The following RAD51B variants were observed in gnomAD, a reference collection of about 807,000 sequenced individuals.
RAD51B encodes the protein RAD51 paralog B.
RAD51B carries 38 observed loss-of-function variants against 42.2 expected under a neutral mutation model. The ratio of observed to expected loss-of-function variants is 0.90; its 90% CI spans 0.70 to 1.18. RAD51B has a LOEUF of 1.18. Among genes scored for constraint, RAD51B ranks in the 50% most tolerant of loss-of-function variants. The pLI is 0.00. For missense variants in RAD51B, 373 were observed against 400.7 expected (o/e 0.93, Z 0.59); for synonymous variants, 154 against 145.2 (o/e 1.06, Z -0.43).
At chr14:68,423,346 G>A (rs745533885) in intron 9 of RAD51B, among the ~76,000 whole-genome samples, 6 of 152,194 alleles carry the variant, frequency 3.9e-5, no homozygotes, top group Non-Finnish European at 7.3e-5. Context: ...TGGCTCTCTG[G>A]TTGCTATGCT....
intron 9 of RAD51B, among the ~76,000 whole-genome samples, chr14:68,415,645 G>T (rs1391220419): frequency 7.2e-5 from 11 of 152,214 alleles, no homozygotes; most frequent in Non-Finnish European, 1.0e-4. Context: ...ATGAGGCAGA[G>T]CATGAGGCAG....
At chr14:67,850,329 A>G (rs2041762928) in intron 4 of RAD51B, among the ~76,000 whole-genome samples, 1 of 152,114 alleles carries the variant, frequency 6.6e-6, no homozygotes, top group Non-Finnish European at 1.5e-5. Flanking sequence ...TCATGCAGGT[A>G]GGGTTTTCTT....
intron 8 of RAD51B, among the ~76,000 whole-genome samples, chr14:68,380,440 T>C (rs1594754815): frequency 6.6e-6 from 1 of 152,140 alleles, no homozygotes; most frequent in Admixed American, 6.6e-5. Context: ...AGGCCCCAGA[T>C]GGTTAGAGTT....
At chr14:67,959,289 C>G (rs980057373) in intron 7 of RAD51B, among the ~76,000 whole-genome samples, 2 of 151,952 alleles carry the variant, frequency 1.3e-5, no homozygotes, top group Non-Finnish European at 2.9e-5. Context: ...CTCTGTTGCC[C>G]AGGCTGGAGT....
At chr14:68,227,466 C>CT (rs2080061793) in intron 7 of RAD51B, among the ~76,000 whole-genome samples, 1 of 152,174 alleles carries the variant, frequency 6.6e-6, no homozygotes, top group Non-Finnish European at 1.5e-5. Context: ...TGATATCCAC[C>CT]TCAGAGGGTT....
At chr14:68,311,530 A>G (rs913232982) in intron 8 of RAD51B, among the ~76,000 whole-genome samples, 1 of 152,160 alleles carries the variant, frequency 6.6e-6, no homozygotes, top group Non-Finnish European at 1.5e-5. Flanking sequence ...AAACAGCACT[A>G]GTGCTGTTAA....
chr14:68,138,146 T>C (rs1301281665), intron 7 of RAD51B, among the ~76,000 whole-genome samples: 1 of 35,896 alleles, frequency 2.8e-5, no homozygotes, highest in African/African-American at 4.6e-5. Flanking sequence ...CATTTAGTAT[T>C]TTTTTTTTCC....
At chr14:68,110,554 C>T (rs1174982480) in intron 7 of RAD51B, among the ~76,000 whole-genome samples, 2 of 152,008 alleles carry the variant, frequency 1.3e-5, no homozygotes, top group Admixed American at 1.3e-4. Context: ...GTTTCATAAG[C>T]AGAAGTGGGA....
At chr14:68,538,773 AGCTG>A (rs1887789987) in intron 10 of RAD51B, among the ~76,000 whole-genome samples, 1 of 152,130 alleles carries the variant, frequency 6.6e-6, no homozygotes, top group South Asian at 2.1e-4. Context: ...GGCGAAAAAG[AGCTG>A]GGGCTGAGCA....
intron 10 of RAD51B, among the ~76,000 whole-genome samples, chr14:68,581,172 T>A (rs994831620): frequency 6.6e-6 from 1 of 152,038 alleles, no homozygotes; most frequent in Non-Finnish European, 1.5e-5. Context: ...GTCCCCTAGT[T>A]GTGATTTTTC....
At chr14:68,042,612 C>G (rs910225715) in intron 7 of RAD51B, among the ~76,000 whole-genome samples, 15 of 152,082 alleles carry the variant, frequency 9.9e-5, no homozygotes, top group Admixed American at 6.6e-4. Flanking sequence ...CCCTTTCTCC[C>G]TCCCCTTTCC....
At chr14:68,503,377 C>T (rs1885053518) in intron 10 of RAD51B, among the ~76,000 whole-genome samples, 1 of 69,234 alleles carries the variant, frequency 1.4e-5, no homozygotes, top group South Asian at 6.6e-4. Flanking sequence ...TAGGAGTAGA[C>T]AGAGGGCCTC....
intron 7 of RAD51B, among the ~76,000 whole-genome samples, chr14:68,205,472 C>G (rs2079565789): frequency 6.6e-6 from 1 of 152,078 alleles, no homozygotes; most frequent in Admixed American, 6.5e-5. Flanking sequence ...AGAGAAGACT[C>G]TTGAGGACAA....
chr14:68,221,788 A>G (rs770484486), intron 7 of RAD51B, among the ~76,000 whole-genome samples: 1 of 152,238 alleles, frequency 6.6e-6, no homozygotes, highest in Non-Finnish European at 1.5e-5. Context: ...AAATCTATAC[A>G]TGTGACAAAG....
At chr14:68,454,528 C>G (rs994452385) in intron 9 of RAD51B, among the ~76,000 whole-genome samples, 16 of 152,178 alleles carry the variant, frequency 1.1e-4, no homozygotes, top group Admixed American at 9.8e-4. Flanking sequence ...ACCTTGCACA[C>G]CAACAATCTT....
downstream of RAD51B, among the ~76,000 whole-genome samples, chr14:68,481,861 A>C (rs1017581857): frequency 3.0e-4 from 45 of 152,348 alleles, no homozygotes; most frequent in East Asian, 1.2e-3. Context: ...TCTAAATAAA[A>C]GAATCACCAG....
intron 7 of RAD51B, among the ~76,000 whole-genome samples, chr14:68,158,844 G>A (rs1198525004): frequency 6.6e-6 from 1 of 152,116 alleles, no homozygotes; most frequent in Non-Finnish European, 1.5e-5. Context: ...GCCACATAGA[G>A]GTGCTGGGAG....
At chr14:67,839,881 T>G (rs2041367790) in intron 4 of RAD51B, among the ~76,000 whole-genome samples, 1 of 152,122 alleles carries the variant, frequency 6.6e-6, no homozygotes, top group African/African-American at 2.4e-5. Flanking sequence ...CTAGAAGTAT[T>G]TAAACATTCC....
chr14:68,096,591 G>C (rs1191087206), intron 7 of RAD51B, among the ~76,000 whole-genome samples: 1 of 152,168 alleles, frequency 6.6e-6, no homozygotes, highest in Non-Finnish European at 1.5e-5. Flanking sequence ...CTTTCATTGA[G>C]GAGCCCACCT....
Sources: gnomAD v4.1 joint callset for allele counts (sites outside exome capture counted in the v4.1 genomes callset) on GRCh38, gnomAD v4.1.1 for gene constraint, MANE v1.5 for transcripts, NCBI Gene and HGNC (gene_info 2026-07-23, HGNC 2026-07-21) for gene names.